GLS: variants seen among roughly 807,000 people sequenced by gnomAD.
The protein encoded by GLS is glutaminase.
GLS carries 36 observed loss-of-function variants against 86.7 expected under a neutral mutation model. The ratio of observed to expected loss-of-function variants is 0.42; its 90% CI spans 0.32 to 0.55. The LOEUF is 0.55. Ranked by LOEUF, GLS falls within the 20% of genes least tolerant of loss-of-function variation. The probability of loss-of-function intolerance (pLI) is 0.17; values close to 1 mark genes in which losing one functional copy is unlikely to be tolerated. For synonymous variants in GLS, 317 were observed against 305.9 expected (o/e 1.04, Z -0.38); for missense variants, 528 against 833.4 (o/e 0.63, Z 4.51).
At chr2:190,941,459 A>G (rs1382374329) in intron 14 of GLS, among the ~76,000 whole-genome samples, 2 of 152,214 alleles carry the variant, frequency 1.3e-5, no homozygotes, top group African/African-American at 4.8e-5. Context: ...ATGGATGCAG[A>G]GAGCATGGTT....
chr2:190,886,463 A>G (rs1356616222), intron 1 of GLS, among the ~76,000 whole-genome samples: 3 of 152,342 alleles, frequency 2.0e-5, no homozygotes, highest in South Asian at 4.1e-4. Context: ...CAGCTAATCC[A>G]TGAAATGACT....
rs1160294492 is a variant in GLS at position 190,897,465 on chromosome 2, T to A, written c.605+1740T>A. Among the ~76,000 whole-genome samples the A allele has an allele frequency of 6.6e-6, 1 of 152,206 alleles. No individual in the cohort carries two copies. The highest frequency in any genetic ancestry group is 1.5e-5 in the Non-Finnish European group (1 of 68,022). ...TATTGTTTTAAACACTAATCCAATT[T>A]TTAAAAATCTATGCTTGTAATACAG... On this transcript the variant is annotated intron_variant, in intron 3 of 17. Coordinates refer to ENST00000320717, the MANE Select transcript of GLS (RefSeq NM_014905.5). The surrounding 1 kb of genome is among the most constrained non-coding windows in gnomAD (Gnocchi z 4.3).
chr2:190,904,963 TCCCAG>T, intron 5 of GLS, 36 bp from the exon 6 acceptor site: 2 of 1,132,842 alleles, frequency 1.8e-6, no homozygotes, highest in Admixed American at 3.9e-5. Flanking sequence ...TACATTTTTT[TCCCAG>T]TTGATGTTAT....
Position 190,935,724 on chromosome 2 carries a change from A to G in GLS, c.1650+4087A>G, listed in dbSNP as rs914040101. 6.6e-6 allele frequency among the ~76,000 whole-genome samples: 1 copy of G among 151,242 alleles called. No homozygotes were observed. The highest frequency in any genetic ancestry group is 6.6e-5 in the Admixed American group (1 of 15,188). ...TAAATAATAGGAAAAACATTGCTAAACCAAATGAAGAGTATCATCATATTG... is the reference window on the plus strand; with the variant it reads ...TAAATAATAGGAAAAACATTGCTAAGCCAAATGAAGAGTATCATCATATTG... On this transcript the variant is annotated intron_variant, in intron 14 of 17. Coordinates refer to ENST00000320717, the MANE Select transcript of GLS (RefSeq NM_014905.5). This position sits in a 1 kb window ranked among gnomAD's most constrained non-coding sequence, Gnocchi z 4.2.
Position 190,921,138 on chromosome 2 carries a change from T to A in GLS, c.1072-7T>A. 1 of 1,605,062 alleles carries A rather than the reference T, an allele frequency of 6.2e-7. No homozygotes were observed. The highest frequency in any genetic ancestry group is 8.5e-7 in the Non-Finnish European group (1 of 1,172,202). ...GATTACTAATATTCCCTACTTTTGGTTTCTAGGTCATGCAGTTTTTGAATA... is the reference window on the plus strand; with the variant it reads ...GATTACTAATATTCCCTACTTTTGGATTCTAGGTCATGCAGTTTTTGAATA... On this transcript the variant is annotated splice_region_variant and splice_polypyrimidine_tract_variant and intron_variant, in intron 8 of 17. Coordinates refer to ENST00000320717, the MANE Select transcript of GLS (RefSeq NM_014905.5). The surrounding 1 kb of genome is among the most constrained non-coding windows in gnomAD (Gnocchi z 4.2).
chr2:190,947,671 T>A lies in GLS; in HGVS notation c.1651-5894T>A, dbSNP rs1282533853. Among the ~76,000 whole-genome samples, 1 of 152,230 alleles carries A rather than the reference T, an allele frequency of 6.6e-6. No individual in the cohort carries two copies. The highest frequency in any genetic ancestry group is 1.5e-5 in the Non-Finnish European group (1 of 68,034). ...CTTCCATGCCTCTGGCATTTACTGT[T>A]AACCCATTATTTTCTGGACTTTGGC... is the stretch of plus-strand genomic sequence containing the variant. On this transcript the variant is annotated intron_variant, in intron 14 of 17. Coordinates refer to ENST00000320717, the MANE Select transcript of GLS (RefSeq NM_014905.5). The surrounding 1 kb of genome is among the most constrained non-coding windows in gnomAD (Gnocchi z 5.0).
intron 1 of GLS, among the ~76,000 whole-genome samples, chr2:190,889,899 A>T (rs1484855008): frequency 2.0e-5 from 3 of 152,196 alleles, no homozygotes; most frequent in Non-Finnish European, 4.4e-5. Context: ...CTTTGCTTTG[A>T]CAGGATGCAG....
At chr2:190,926,349 A>G (rs1312864321) in intron 11 of GLS, among the ~76,000 whole-genome samples, 1 of 152,152 alleles carries the variant, frequency 6.6e-6, no homozygotes, top group African/African-American at 2.4e-5. Context: ...GAGATTTTTT[A>G]TATAAATAGG....
chr2:190,917,846 T>G (rs1427836589), intron 7 of GLS, among the ~76,000 whole-genome samples: 1 of 152,054 alleles, frequency 6.6e-6, no homozygotes, highest in Non-Finnish European at 1.5e-5. Context: ...CTCAGCACTT[T>G]GGGAGGTTGA....
chr2:190,894,971 T>TA (rs1688680868), intron 1 of GLS, among the ~76,000 whole-genome samples, 181 bp from the exon 2 acceptor site: 1 of 152,186 alleles, frequency 6.6e-6, no homozygotes, highest in Non-Finnish European at 1.5e-5. Flanking sequence ...TACTTGTTTT[T>TA]CAGTGTGGTT....
chr2:190,903,358 T>C (rs1184577667), intron 5 of GLS, among the ~76,000 whole-genome samples: 1 of 152,232 alleles, frequency 6.6e-6, no homozygotes, highest in African/African-American at 2.4e-5. Flanking sequence ...ACTTCTAGTC[T>C]ATTTTTTCTT....
Position 190,949,305 on chromosome 2 carries a change from T to G in GLS, c.1651-4260T>G, listed in dbSNP as rs1690657423. The stretch of plus-strand genomic sequence containing the variant: ...TGTTTTGAGAATATGATTAGAAGTA[T>G]GTGGAGAGGTTTTGGAGGGTGGAAG... On this transcript the variant is annotated intron_variant, in intron 14 of 17. Coordinates refer to ENST00000320717, the MANE Select transcript of GLS (RefSeq NM_014905.5). This position sits in a 1 kb window ranked among gnomAD's most constrained non-coding sequence, Gnocchi z 4.0. Among the ~76,000 whole-genome samples, 1 of 152,110 alleles carries G rather than the reference T, an allele frequency of 6.6e-6. No homozygotes were observed. Among genetic ancestry groups the G allele is most frequent in the South Asian group, 2.1e-4 (1 of 4,814 alleles).
intron 14 of GLS, among the ~76,000 whole-genome samples, chr2:190,936,730 G>T (rs1460855521): frequency 6.6e-6 from 1 of 151,104 alleles, no homozygotes; most frequent in African/African-American, 2.4e-5. Flanking sequence ...TTATAAGGAA[G>T]GATTGTATTT....
At chr2:190,937,466 GTTC>G (rs996243925) in intron 14 of GLS, among the ~76,000 whole-genome samples, 4 of 151,236 alleles carry the variant, frequency 2.6e-5, no homozygotes, top group African/African-American at 9.7e-5. Context: ...GTTTCGTAGA[GTTC>G]TTAACTTTTT....
At chr2:190,901,864 T>G in intron 4 of GLS, 83 bp from the exon 5 acceptor site, 42 of 851,786 alleles carry the variant, frequency 4.9e-5, no homozygotes, top group Non-Finnish European at 6.5e-5. Flanking sequence ...GAAGGTAAAA[T>G]GAGATAAGAA....
chr2:190,914,934 CTA>C lies in GLS; in HGVS notation c.1038+4615_1038+4616del, dbSNP rs1689478141. On this transcript the variant is annotated intron_variant, in intron 7 of 17. Transcript: ENST00000320717. This position sits in a 1 kb window ranked among gnomAD's most constrained non-coding sequence, Gnocchi z 4.4. ...TAGATAATGTTAAAACTCAGTGCCT[CTA>C]TCAAATTTTCATTCATACAGTATTC... 6.6e-6 allele frequency among the ~76,000 whole-genome samples: 1 copy of C among 152,036 alleles called. No individual in the cohort carries two copies. Among genetic ancestry groups the C allele is most frequent in the African/African-American group, 2.4e-5 (1 of 41,398 alleles).
Position 190,930,386 on chromosome 2 carries a change from T to A in GLS, c.1426-51T>A. On this transcript the variant is annotated intron_variant, in intron 12 of 17. Coordinates refer to ENST00000320717, the MANE Select transcript of GLS (RefSeq NM_014905.5). This position sits in a 1 kb window ranked among gnomAD's most constrained non-coding sequence, Gnocchi z 5.0. ...GTTTCCCTATTGTTGAACATAACAT[T>A]TCTTATTTTAAAATGTTTACCTGAA... 7.2e-7 allele frequency: 1 copy of A among 1,383,742 alleles called. No homozygotes were observed. The highest frequency in any genetic ancestry group is 2.3e-5 in the East Asian group (1 of 43,586). 85.7% of individuals were successfully genotyped at this position (1,383,742 alleles called of 1,614,324 possible).
In GLS at chr2:190,924,512, G is replaced by A. The variant is rs55836092; in HGVS notation, c.1198-31G>A. On this transcript the variant is annotated intron_variant, in intron 10 of 17. Coordinates refer to ENST00000320717, the MANE Select transcript of GLS (RefSeq NM_014905.5). This position sits in a 1 kb window ranked among gnomAD's most constrained non-coding sequence, Gnocchi z 5.2. ...TACTTATGTGCATTCCTGTGTGCCTGAATTTTTAATTGCCTTTCTGGTTTT... is the reference window on the plus strand; with the variant it reads ...TACTTATGTGCATTCCTGTGTGCCTAAATTTTTAATTGCCTTTCTGGTTTT... The A allele has an allele frequency of 2.5e-3, 3,413 of 1,383,914 alleles. 34 individuals are homozygous for A. Among genetic ancestry groups the A allele is most frequent in the South Asian group, 0.016 (1,403 of 86,204 alleles). 85.7% of individuals were successfully genotyped at this position (1,383,914 alleles called of 1,614,324 possible).
chr2:190,931,378 C>T (rs1690100821), intron 13 of GLS, among the ~76,000 whole-genome samples, 167 bp from the exon 14 acceptor site: 1 of 152,068 alleles, frequency 6.6e-6, no homozygotes, highest in South Asian at 2.1e-4. Flanking sequence ...AACTTATATC[C>T]ATATCTTACT....
Sources: allele counts gnomAD v4.1 joint callset (sites outside exome capture counted in the v4.1 genomes callset), GRCh38; gene constraint gnomAD v4.1.1; non-coding constraint Gnocchi (gnomAD v3.1); transcripts MANE v1.5; gene names NCBI Gene and HGNC (gene_info 2026-07-23, HGNC 2026-07-21).